The following LINGO2 variants were observed in gnomAD, a reference collection of about 807,000 sequenced individuals.
LINGO2 encodes the protein leucine-rich repeat and immunoglobulin-like domain-containing nogo receptor-interacting protein 2.
Under a neutral mutation model 30.6 loss-of-function variants are expected in LINGO2, and 14 were observed. The observed-to-expected ratio is 0.46, with a 90% CI of 0.30 to 0.72. LINGO2 has a LOEUF of 0.72. Ranked by LOEUF, LINGO2 falls within the 30% of genes least tolerant of loss-of-function variation. The pLI, the probability that LINGO2 is intolerant of heterozygous loss-of-function variation, is 0.07. For synonymous variants in LINGO2, 317 were observed against 288.5 expected, an observed-to-expected ratio of 1.10 and a Z score of -1.00; for missense variants, 729 against 751.7, an observed-to-expected ratio of 0.97 and a Z score of 0.35.
chr9:28,734,471 G>A, the LINGO2 span, among the ~76,000 whole-genome samples: 1 of 152,172 alleles, frequency 6.6e-6, no homozygotes. Flanking sequence ...GAAACTGTAG[G>A]TAAGTAGGGG....
intron 2 of LINGO2, among the ~76,000 whole-genome samples, chr9:28,464,488 T>C (rs1825218282): frequency 6.6e-6 from 1 of 152,218 alleles, no homozygotes; most frequent in Admixed American, 6.5e-5. Context: ...TTCTGAAGAA[T>C]ATGTTAAATA....
chr9:28,979,890 A>G, the LINGO2 span, among the ~76,000 whole-genome samples: 1 of 152,160 alleles, frequency 6.6e-6, no homozygotes, highest in Non-Finnish European at 1.5e-5. Context: ...TTGCCGTTCA[A>G]ATAAGCTATG....
chr9:29,114,510 G>T, the LINGO2 span, among the ~76,000 whole-genome samples: 1 of 149,808 alleles, frequency 6.7e-6, no homozygotes, highest in African/African-American at 2.5e-5. Context: ...CCATTAACTC[G>T]TCATTTACAT....
chr9:28,108,919 T>A (rs1430275605), intron 4 of LINGO2, among the ~76,000 whole-genome samples: 1 of 152,074 alleles, frequency 6.6e-6, no homozygotes, highest in Non-Finnish European at 1.5e-5. Context: ...ATCTGAGACA[T>A]AAGCCTGTGC....
At chr9:28,575,729 G>T (rs915013934) in intron 1 of LINGO2, among the ~76,000 whole-genome samples, 11 of 151,972 alleles carry the variant, frequency 7.2e-5, no homozygotes, top group African/African-American at 2.7e-4. Flanking sequence ...GAAATCTTAA[G>T]AATACAAATA....
At chr9:29,122,627 CA>C in the LINGO2 span, among the ~76,000 whole-genome samples, 7 of 152,088 alleles carry the variant, frequency 4.6e-5, no homozygotes, top group African/African-American at 1.7e-4. Flanking sequence ...GAAGATTAAA[CA>C]GCCTCAGATC....
chr9:29,188,742 G>A, the LINGO2 span, among the ~76,000 whole-genome samples: 14,705 of 137,150 alleles, frequency 0.11, 724 homozygotes, highest in Middle Eastern at 0.2. Flanking sequence ...GCGGCTGGCC[G>A]GGCAGAGGGG....
At chr9:29,193,396 G>T in the LINGO2 span, among the ~76,000 whole-genome samples, 1 of 152,106 alleles carries the variant, frequency 6.6e-6, no homozygotes. Flanking sequence ...TTGTGAACCT[G>T]AATATATCAT....
the LINGO2 span, among the ~76,000 whole-genome samples, chr9:29,174,146 T>C: frequency 6.6e-6 from 1 of 152,146 alleles, no homozygotes; most frequent in Non-Finnish European, 1.5e-5. Context: ...AAAAAGATAC[T>C]CGCTTTCCTG....
chr9:28,812,031 A>C, the LINGO2 span, among the ~76,000 whole-genome samples: 1 of 151,798 alleles, frequency 6.6e-6, no homozygotes, highest in Non-Finnish European at 1.5e-5. Flanking sequence ...TTCTGAAGTC[A>C]CTGCAGCAGA....
chr9:28,378,378 T>C (rs1271808190), intron 2 of LINGO2, among the ~76,000 whole-genome samples: 1 of 152,176 alleles, frequency 6.6e-6, no homozygotes, highest in Non-Finnish European at 1.5e-5. Flanking sequence ...TGTGAAACTC[T>C]TAAACTTGTG....
chr9:28,004,724 T>G (rs375686077), intron 5 of LINGO2, among the ~76,000 whole-genome samples: 8 of 152,104 alleles, frequency 5.3e-5, no homozygotes, highest in African/African-American at 1.9e-4. Context: ...AAAGCAAAAT[T>G]GGGCTGGGTT....
chr9:28,757,614 T>C, the LINGO2 span, among the ~76,000 whole-genome samples: 427 of 152,144 alleles, frequency 2.8e-3, 7 homozygotes, highest in African/African-American at 9.8e-3. Context: ...AATTCTAATT[T>C]TTCTCCACGA....
chr9:28,054,397 G>A (rs1232703732), intron 4 of LINGO2, among the ~76,000 whole-genome samples: 1 of 152,120 alleles, frequency 6.6e-6, no homozygotes, highest in Non-Finnish European at 1.5e-5. Context: ...AGTAGCTGAT[G>A]AGATGGAACA....
At chr9:27,944,588 A>T (rs532464742), downstream of LINGO2, 1 of 152,310 alleles carries the variant, frequency 6.6e-6, no homozygotes, top group Non-Finnish European at 1.5e-5. Context: ...ATAATTCCCA[A>T]ACTCCTCAAT....
intron 5 of LINGO2, among the ~76,000 whole-genome samples, chr9:27,961,989 A>T (rs879651398): frequency 7.2e-5 from 11 of 152,160 alleles, no homozygotes; most frequent in Non-Finnish European, 1.6e-4. Context: ...AAATGTGTCT[A>T]TCACTAGACC....
At chr9:28,654,013 A>G (rs1828228375) in intron 1 of LINGO2, among the ~76,000 whole-genome samples, 2 of 152,148 alleles carry the variant, frequency 1.3e-5, no homozygotes, top group Admixed American at 6.6e-5. Flanking sequence ...TTACATGTCA[A>G]TGCTAAATAG....
chr9:28,104,570 T>G (rs1826525060), intron 4 of LINGO2, among the ~76,000 whole-genome samples: 1 of 152,038 alleles, frequency 6.6e-6, no homozygotes, highest in African/African-American at 2.4e-5. Context: ...GTTTACATGT[T>G]TTTTTTCAAT....
chr9:28,043,281 G>T (rs1252182282), intron 4 of LINGO2, among the ~76,000 whole-genome samples: 1 of 152,206 alleles, frequency 6.6e-6, no homozygotes, highest in African/African-American at 2.4e-5. Context: ...CTCTGGCAAG[G>T]CCTGTTTCAG....
Sources: allele counts gnomAD v4.1 joint callset (sites outside exome capture counted in the v4.1 genomes callset), GRCh38; gene constraint gnomAD v4.1.1; transcripts MANE v1.5; gene names NCBI Gene and HGNC (gene_info 2026-07-23, HGNC 2026-07-21).